TRIM33: variants seen among roughly 807,000 people sequenced by gnomAD.
TRIM33 encodes the protein E3 ubiquitin-protein ligase TRIM33.
Under a neutral mutation model 125.4 loss-of-function variants are expected in TRIM33, and 20 were observed. That is an observed-to-expected ratio of 0.16 (90% CI 0.11 to 0.23). TRIM33 has a LOEUF of 0.23. Ranked by LOEUF, TRIM33 falls within the 10% of genes least tolerant of loss-of-function variation. The pLI is 1.00. For missense variants in TRIM33, 920 were observed against 1,411.4 expected, an observed-to-expected ratio of 0.65 and a Z score of 5.58; for synonymous variants, 564 against 513.9, an observed-to-expected ratio of 1.10 and a Z score of -1.32.
chr1:114,442,667 G>A lies in TRIM33; in HGVS notation c.924-8934C>T, dbSNP rs565465979. On this transcript the variant is annotated intron_variant, in intron 4 of 19. Transcript: ENST00000358465. ...CGCACCACTGCACTCCAGCCTGGGC[G>A]ACAAAGCAAGACTCTGTCTCAAAAA... Among the ~76,000 whole-genome samples, 1,092 of 116,640 alleles carry A rather than the reference G, an allele frequency of 9.4e-3. 7 individuals are homozygous for A. The highest frequency in any genetic ancestry group is 0.013 in the Non-Finnish European group (770 of 60,450). The allele number at this position is 116,640 out of a possible 152,430, so 76.5% of individuals were successfully genotyped here. A position where few individuals can be genotyped will look rare whatever the true frequency, so the allele number is the denominator to read the frequency against.
At chr1:114,492,366 T>C (rs375875996) in intron 1 of TRIM33, among the ~76,000 whole-genome samples, 5 of 152,342 alleles carry the variant, frequency 3.3e-5, no homozygotes, top group Admixed American at 6.5e-5. Context: ...AACATAAAAT[T>C]TGCCATTTGA....
At chr1:114,414,873 A>T (rs1425390792) in intron 11 of TRIM33, among the ~76,000 whole-genome samples, 1 of 152,102 alleles carries the variant, frequency 6.6e-6, no homozygotes, top group South Asian at 2.1e-4. Flanking sequence ...TTTAATAATG[A>T]GGGCTGGTGA....
In TRIM33 at chr1:114,401,418, T is replaced by C. The variant is rs759794319; in HGVS notation, c.2938A>G (p.Ile980Val). 6.2e-7 allele frequency: 1 copy of C among 1,612,978 alleles called. No homozygotes were observed. The highest frequency in any genetic ancestry group is 1.3e-5 in the African/African-American group (1 of 74,796). Residue 980 changes from isoleucine to valine, a missense_variant, in exon 17 of 20, where the codon ATT becomes GTT. Transcript: ENST00000358465. ...LLYLYCHELS[I>V]EFQEPVPASI... is the part of the protein sequence containing the mutation. Reference sequence around the variant, plus strand: ...GCAGGAACAGGCTCCTGGAATTCAATACTTAATTCATGGCAATAGAGGTAA... The same window carrying C: ...GCAGGAACAGGCTCCTGGAATTCAACACTTAATTCATGGCAATAGAGGTAA...
intron 4 of TRIM33, among the ~76,000 whole-genome samples, chr1:114,458,067 T>C (rs1323779055): frequency 1.3e-5 from 2 of 152,248 alleles, no homozygotes; most frequent in African/African-American, 4.8e-5. Flanking sequence ...CATTCCCATA[T>C]GTGGGCCAAC....
chr1:114,397,717 A>T lies in TRIM33; in HGVS notation c.3315T>A (p.Ser1105=). The change falls in exon 20 of 20, where the codon TCT becomes TCA. Residue 1105 remains serine, a synonymous_variant. Transcript: ENST00000358465. ...TGCGGGGCTGTATAAAGTCTTCATC[A>T]GAGTCCTCAGTTACCTCACCATCAT... ...EEDDGEVTED[S]DEDFIQPRRK... 1.2e-6 allele frequency: 2 copies of T among 1,612,364 alleles called. No individual in the cohort carries two copies. The highest frequency in any genetic ancestry group is 1.7e-6 in the Non-Finnish European group (2 of 1,179,818).
chr1:114,436,586 TCCCGAGTAG>T (rs1648321892), intron 4 of TRIM33, among the ~76,000 whole-genome samples: 1 of 151,970 alleles, frequency 6.6e-6, no homozygotes, highest in Non-Finnish European at 1.5e-5. Flanking sequence ...CTCCTCAGCC[TCCCGAGTAG>T]CTGGGACTAC....
At chr1:114,499,000 A>T (rs1230793090) in intron 1 of TRIM33, among the ~76,000 whole-genome samples, 1 of 152,228 alleles carries the variant, frequency 6.6e-6, no homozygotes, top group African/African-American at 2.4e-5. Context: ...AGATAAAAAG[A>T]TCTCAAGAAG....
At position 114,456,202 on chromosome 1, in the gene TRIM33, C is replaced by T. The variant is rs968764025; in HGVS notation, c.923+6902G>A. Among the ~76,000 whole-genome samples the T allele has an allele frequency of 6.6e-5, 10 of 152,230 alleles. No homozygotes were observed. In the East Asian group the frequency reaches 1.7e-3, roughly 26 times the overall value. ...TGTCTAATATTGAAAACAGAAAGCA[C>T]GTAAGTTCACCTTGAGGTCAATGTT... On this transcript the variant is annotated intron_variant, in intron 4 of 19. Transcript: ENST00000358465.
rs181147741 is a variant in TRIM33 at position 114,454,645 on chromosome 1, A to G, written c.923+8459T>C. On this transcript the variant is annotated intron_variant, in intron 4 of 19. Transcript: ENST00000358465. ...AGCCTTCAGTGAGCCACTGCACTCG[A>G]AGCCTGGGCAATAGCACAAGACTCC... Among the ~76,000 whole-genome samples, 238 of 151,868 alleles carry G rather than the reference A, an allele frequency of 1.6e-3. 4 individuals carry two copies. Among genetic ancestry groups the G allele is most frequent in the African/African-American group, 5.6e-3 (231 of 41,358 alleles).
intron 2 of TRIM33, 148 bp from the exon 3 acceptor site, chr1:114,463,704 C>T: frequency 3.4e-6 from 2 of 581,350 alleles, no homozygotes; most frequent in Non-Finnish European, 5.9e-6. Context: ...AATCCTTTTC[C>T]TTACAGATCA....
intron 5 of TRIM33, 108 bp from the exon 6 acceptor site, chr1:114,431,020 GAA>G: frequency 7.1e-6 from 5 of 706,020 alleles, no homozygotes; most frequent in Non-Finnish European, 1.2e-5. Context: ...TAATTAAAAT[GAA>G]AACTTTGTCA....
Position 114,406,991 on chromosome 1 carries a change from C to G in TRIM33, c.2368G>C (p.Gly790Arg). Reference sequence around the variant, plus strand: ...TCTGTTTTTTCTTGTTTTACACCTCCTGAAAAGCTACATATTTCATCTTCA... The same window carrying G: ...TCTGTTTTTTCTTGTTTTACACCTCGTGAAAAGCTACATATTTCATCTTCA... ...GTEDEICSFS[G>R]GVKQEKTEDG... Residue 790 changes from glycine to arginine, a missense_variant, in exon 14 of 20, where the codon GGA becomes CGA. Coordinates refer to ENST00000358465, the MANE Select transcript of TRIM33 (RefSeq NM_015906.4). 6.2e-7 allele frequency: 1 copy of G among 1,614,072 alleles called. No homozygotes were observed. Among genetic ancestry groups the G allele is most frequent in the Non-Finnish European group, 8.5e-7 (1 of 1,179,938 alleles).
chr1:114,446,394 T>C (rs1279959920), intron 4 of TRIM33, among the ~76,000 whole-genome samples: 1 of 152,162 alleles, frequency 6.6e-6, no homozygotes, highest in Non-Finnish European at 1.5e-5. Context: ...TTAAGTATTG[T>C]ATGTTAAGGT....
At chr1:114,430,623 C>T (rs188942490) in intron 6 of TRIM33, among the ~76,000 whole-genome samples, 175 bp downstream of exon 6, 7 of 152,154 alleles carry the variant, frequency 4.6e-5, no homozygotes, top group African/African-American at 9.6e-5. Flanking sequence ...TAAATTGGGC[C>T]GCAAAGTAAC....
At chr1:114,401,826 G>A (rs764392324) in intron 16 of TRIM33, among the ~76,000 whole-genome samples, 36 of 152,156 alleles carry the variant, frequency 2.4e-4, no homozygotes, top group Non-Finnish European at 4.6e-4. Flanking sequence ...AGACAGGCAA[G>A]ACAAATGTTG....
chr1:114,440,294 T>C (rs991043085), intron 4 of TRIM33, among the ~76,000 whole-genome samples: 5 of 151,088 alleles, frequency 3.3e-5, no homozygotes, highest in African/African-American at 9.8e-5. Flanking sequence ...TTCTAGGCAA[T>C]AGCAACAGGA....
intron 4 of TRIM33, among the ~76,000 whole-genome samples, chr1:114,452,624 A>C (rs1649379450): frequency 6.6e-6 from 1 of 151,678 alleles, no homozygotes; most frequent in Non-Finnish European, 1.5e-5. Context: ...AGCTGGGTGC[A>C]GTGGCTTATA....
chr1:114,486,859 G>A (rs1651731901), intron 1 of TRIM33, among the ~76,000 whole-genome samples: 1 of 152,094 alleles, frequency 6.6e-6, no homozygotes, highest in Admixed American at 6.5e-5. Context: ...GGCCAAGGCA[G>A]GTGGATCACT....
rs1357364774 is a variant in TRIM33 at position 114,439,950 on chromosome 1, T to TA, written c.924-6218dup. On this transcript the variant is annotated intron_variant, in intron 4 of 19. Coordinates refer to ENST00000358465, the MANE Select transcript of TRIM33 (RefSeq NM_015906.4). ...AGAAAAGTTAACATGAAGGTGAAACTACTAGGAGTGATAAAGATGTTCACT... is the reference window on the plus strand; with the variant it reads ...AGAAAAGTTAACATGAAGGTGAAACTAACTAGGAGTGATAAAGATGTTCACT... 4.6e-5 allele frequency among the ~76,000 whole-genome samples: 7 copies of TA among 152,326 alleles called. No individual in the cohort carries two copies. In the East Asian group the frequency reaches 1.4e-3, roughly 29 times the overall value.
Sources: allele counts gnomAD v4.1 joint callset (sites outside exome capture counted in the v4.1 genomes callset), GRCh38; gene constraint gnomAD v4.1.1; transcripts MANE v1.5; gene names NCBI Gene and HGNC (gene_info 2026-07-23, HGNC 2026-07-21).